The following ENOX1 variants were observed in gnomAD, a reference collection of about 807,000 sequenced individuals.
ENOX1 encodes candidate growth-related and time keeping constitutive hydroquinone (NADH) oxidase.
A neutral mutation model predicts 82.5 loss-of-function variants in ENOX1; 42 were observed. The observed-to-expected ratio is 0.51, with a 90% CI of 0.40 to 0.66. ENOX1 has a LOEUF of 0.66. ENOX1 is among the 30% of genes least tolerant of loss of function. ENOX1 has a pLI of 0.00. For missense variants in ENOX1, 608 were observed against 811.6 expected, an observed-to-expected ratio of 0.75 and a Z score of 3.05; for synonymous variants, 271 against 282.2, an observed-to-expected ratio of 0.96 and a Z score of 0.40.
rs1238669605 is a variant in ENOX1 at position 43,568,998 on chromosome 13, C to CA, written c.-218-84847dup. Among the ~76,000 whole-genome samples the CA allele has an allele frequency of 1.1e-4, 17 of 151,994 alleles. No individual in the cohort carries two copies. In the East Asian group the frequency reaches 2.3e-3, roughly 21 times the overall value. On this transcript the variant is annotated intron_variant, in intron 2 of 16. Transcript: ENST00000690772. ...AGGGCTTGCAGCATGTGTAGGTAAT[C>CA]AAAAAAATGTTTGTTGAATCTTTGG...
At chr13:43,286,204 T>C (rs565030594) in intron 12 of ENOX1, among the ~76,000 whole-genome samples, 282 of 152,306 alleles carry the variant, frequency 1.9e-3, no homozygotes, top group African/African-American at 6.5e-3. Flanking sequence ...ATCATTTTAG[T>C]GTCCATAGCT....
intron 2 of ENOX1, among the ~76,000 whole-genome samples, chr13:43,507,370 A>G (rs762277617): frequency 6.6e-6 from 1 of 151,978 alleles, no homozygotes; most frequent in Non-Finnish European, 1.5e-5. Flanking sequence ...TCATAACCAG[A>G]TATGTTTTTG....
intron 2 of ENOX1, among the ~76,000 whole-genome samples, chr13:43,649,461 A>G (rs948732054): frequency 2.6e-5 from 4 of 152,228 alleles, no homozygotes; most frequent in Non-Finnish European, 4.4e-5. Flanking sequence ...AGTGTTGTAT[A>G]TGTTAATATA....
At chr13:43,231,138 G>C in intron 15 of ENOX1, among the ~76,000 whole-genome samples, 1 of 152,198 alleles carries the variant, frequency 6.6e-6, no homozygotes, top group East Asian at 1.9e-4. Context: ...ATGAACAGCT[G>C]TGTCTCTAGA....
intron 12 of ENOX1, among the ~76,000 whole-genome samples, chr13:43,285,933 C>CTGA (rs756945803): frequency 1.3e-5 from 2 of 148,860 alleles, no homozygotes; most frequent in South Asian, 2.1e-4. Context: ...GCTTTCATTT[C>CTGA]TGATGAGAAG....
chr13:43,468,906 C>T (rs983201104), intron 3 of ENOX1, among the ~76,000 whole-genome samples: 1 of 152,068 alleles, frequency 6.6e-6, no homozygotes, highest in Non-Finnish European at 1.5e-5. Flanking sequence ...TTTTAAATTG[C>T]TCCTTGCTAG....
intron 2 of ENOX1, among the ~76,000 whole-genome samples, chr13:43,567,491 G>C (rs991676505): frequency 1.3e-5 from 2 of 151,992 alleles, no homozygotes; most frequent in African/African-American, 4.8e-5. Context: ...TGTTTACCAA[G>C]AGGAACTTTG....
At chr13:43,477,785 A>G (rs2058347330) in intron 3 of ENOX1, among the ~76,000 whole-genome samples, 2 of 152,134 alleles carry the variant, frequency 1.3e-5, no homozygotes, top group Admixed American at 1.3e-4. Flanking sequence ...TGTTTCTACA[A>G]ATGTTTATAG....
At chr13:43,396,172 T>C (rs1407062651) in intron 5 of ENOX1, among the ~76,000 whole-genome samples, 1 of 152,218 alleles carries the variant, frequency 6.6e-6, no homozygotes, top group African/African-American at 2.4e-5. Context: ...ATGCCACTGC[T>C]ACGTCAAAAG....
At chr13:43,539,851 T>A (rs2078632885) in intron 2 of ENOX1, among the ~76,000 whole-genome samples, 1 of 152,210 alleles carries the variant, frequency 6.6e-6, no homozygotes, top group Non-Finnish European at 1.5e-5. Flanking sequence ...ACTAAAACTT[T>A]GAGATTATTT....
Position 43,583,277 on chromosome 13 carries a change from A to G in ENOX1, c.-219+84202T>C, listed in dbSNP as rs116887238. ...ATTAAATATTGACAAATAGAATCCA[A>G]CAGCAATTAAAGTAATACATCATGA... On this transcript the variant is annotated intron_variant, in intron 2 of 16. Transcript: ENST00000690772. Among the ~76,000 whole-genome samples the G allele has an allele frequency of 6.3e-3, 960 of 152,352 alleles. 5 individuals carry two copies. The highest frequency in any genetic ancestry group is 9.3e-3 in the Non-Finnish European group (633 of 68,040).
At chr13:43,269,072 T>G (rs907159113) in intron 13 of ENOX1, among the ~76,000 whole-genome samples, 2 of 152,238 alleles carry the variant, frequency 1.3e-5, no homozygotes, top group Non-Finnish European at 2.9e-5. Flanking sequence ...AATGTTGCTA[T>G]GAATCAGTCC....
At chr13:43,245,063 A>T (rs2043016490) in intron 14 of ENOX1, among the ~76,000 whole-genome samples, 1 of 152,086 alleles carries the variant, frequency 6.6e-6, no homozygotes. Flanking sequence ...TGGTTGGGGG[A>T]GGATGGAGAA....
At chr13:43,321,057 C>T (rs75164782) in intron 11 of ENOX1, 7,121 of 456,238 alleles carry the variant, frequency 0.016, 78 homozygotes, top group Non-Finnish European at 0.023. Flanking sequence ...GGATATATGG[C>T]TTCAGAAAAT....
chr13:43,247,128 C>A (rs561733413), intron 14 of ENOX1, among the ~76,000 whole-genome samples: 4 of 152,034 alleles, frequency 2.6e-5, no homozygotes, highest in African/African-American at 9.6e-5. Flanking sequence ...CCAGCCTGAC[C>A]AATACGTTGA....
chr13:43,304,139 A>G (rs1282786772), intron 11 of ENOX1, among the ~76,000 whole-genome samples: 1 of 152,192 alleles, frequency 6.6e-6, no homozygotes, highest in Non-Finnish European at 1.5e-5. Flanking sequence ...TGCCCTGGCT[A>G]TCTCCTATGG....
At chr13:43,363,347 T>A (rs1233862220) in intron 5 of ENOX1, among the ~76,000 whole-genome samples, 1 of 152,170 alleles carries the variant, frequency 6.6e-6, no homozygotes, top group Admixed American at 6.5e-5. Flanking sequence ...TAAATGTGAC[T>A]ATTTCAAAGT....
chr13:43,589,327 A>G (rs1170402086), intron 2 of ENOX1, among the ~76,000 whole-genome samples: 2 of 151,546 alleles, frequency 1.3e-5, no homozygotes, highest in African/African-American at 4.9e-5. Context: ...AGTGAAAGAG[A>G]GCACCAAAAG....
intron 2 of ENOX1, among the ~76,000 whole-genome samples, chr13:43,494,092 C>A (rs9594957): frequency 1.3e-5 from 2 of 151,908 alleles, no homozygotes; most frequent in Non-Finnish European, 2.9e-5. Context: ...TGATTCAATT[C>A]CCTCCATCTG....
Sources: gnomAD v4.1 joint callset for allele counts (sites outside exome capture counted in the v4.1 genomes callset) on GRCh38, gnomAD v4.1.1 for gene constraint, MANE v1.5 for transcripts, NCBI Gene and HGNC (gene_info 2026-07-23, HGNC 2026-07-21) for gene names.